The following PCDHA7 variants were observed in gnomAD, a reference collection of about 807,000 sequenced individuals.
PCDHA7 encodes protocadherin alpha 7, also known as protocadherin alpha-7.
PCDHA7 carries 37 observed loss-of-function variants against 57.2 expected under a neutral mutation model. The observed-to-expected ratio is 0.65, with a 90% CI of 0.50 to 0.85. PCDHA7 has a LOEUF of 0.85. Ranked by LOEUF, PCDHA7 falls within the 40% of genes least tolerant of loss-of-function variation. PCDHA7 has a pLI of 0.00. For synonymous variants in PCDHA7, 553 were observed against 558.8 expected (o/e 0.99, Z 0.15); for missense variants, 1,188 against 1,241.8 (o/e 0.96, Z 0.65).
rs1774328850 is a variant in PCDHA7 at position 140,836,278 on chromosome 5, G to T, written c.1895G>T (p.Ser632Ile). The T allele has an allele frequency of 1.9e-6, 3 of 1,613,796 alleles. No homozygotes were observed. Among genetic ancestry groups the T allele is most frequent in the Middle Eastern group, 1.6e-4 (1 of 6,062 alleles). Residue 632 changes from serine to isoleucine, a missense_variant, in exon 1 of 4, where the codon AGC becomes ATC. Around this residue, in one of 3 missense-constraint regions of PCDHA7, gnomAD observed 892 missense variants for 788.5 expected, o/e 1.13. Transcript: ENST00000525929. ...GTGGGGCTGTACACTGGTGAGATCA[G>T]CACGACACGAGCCCTAGATGAGACG... ...FRVGLYTGEISTTRALDETDA... is the reference protein window; with the variant it reads ...FRVGLYTGEIITTRALDETDA...
chr5:140,856,825 A>C lies in PCDHA7; in HGVS notation c.2355+20087A>C, dbSNP rs782049467. On this transcript the variant is annotated intron_variant, in intron 1 of 3. Coordinates refer to ENST00000525929, the MANE Select transcript of PCDHA7 (RefSeq NM_018910.3). Reference sequence around the variant, plus strand: ...ATGAAAATCAAGTGAACCAAACATTAGTAATACGGCTCAACGCTTCTGATT... The same window carrying C: ...ATGAAAATCAAGTGAACCAAACATTCGTAATACGGCTCAACGCTTCTGATT... 1 of 1,592,052 alleles carries C rather than the reference A, an allele frequency of 6.3e-7. No individual in the cohort carries two copies. The highest frequency in any genetic ancestry group is 1.7e-5 in the Admixed American group (1 of 59,160).
At chr5:140,882,940 C>T (rs1554176179) in intron 1 of PCDHA7, 2 of 1,614,208 alleles carry the variant, frequency 1.2e-6, no homozygotes, top group Admixed American at 3.3e-5. Flanking sequence ...AGCTGACTGG[C>T]ACAGTTCAGC....
chr5:140,835,666 G>A lies in PCDHA7; in HGVS notation c.1283G>A (p.Arg428Gln). 3 of 1,613,936 alleles carry A rather than the reference G, an allele frequency of 1.9e-6. No individual in the cohort carries two copies. The highest frequency in any genetic ancestry group is 3.3e-4 in the Middle Eastern group (2 of 6,058). ...GCCTATGAGCTGGTGGTTACCGCGC[G>A]GGACGGGGGCTCGCCTTCTCTGTGG... ...VSAYELVVTA[R>Q]DGGSPSLWAT... Residue 428 changes from arginine to glutamine, a missense_variant, in exon 1 of 4, where the codon CGG becomes CAG. Around this residue, in one of 3 missense-constraint regions of PCDHA7, gnomAD observed 892 missense variants for 788.5 expected, o/e 1.13. Coordinates refer to ENST00000525929, the MANE Select transcript of PCDHA7 (RefSeq NM_018910.3).
chr5:140,972,499 G>A (rs1398741603), intron 1 of PCDHA7, among the ~76,000 whole-genome samples: 3 of 151,888 alleles, frequency 2.0e-5, no homozygotes, highest in South Asian at 4.2e-4. Flanking sequence ...TAATCTGTTG[G>A]TAGATTTTAC....
chr5:140,902,599 G>T (rs981296505), intron 1 of PCDHA7, among the ~76,000 whole-genome samples: 3 of 152,024 alleles, frequency 2.0e-5, no homozygotes, highest in African/African-American at 7.2e-5. Flanking sequence ...GAAACAGGTC[G>T]TTTTCAGTTA....
At chr5:140,850,905 A>G in intron 1 of PCDHA7, 1 of 1,550,536 alleles carries the variant, frequency 6.4e-7, no homozygotes, top group Non-Finnish European at 8.7e-7. Context: ...TTTTTCTAGC[A>G]TTTTATTTAT....
chr5:140,875,579 A>G (rs552791418), intron 1 of PCDHA7: 3 of 1,614,050 alleles, frequency 1.9e-6, no homozygotes, highest in Non-Finnish European at 2.5e-6. Context: ...TACTCCGTCT[A>G]CGAGGAGGCC....
Position 140,835,758 on chromosome 5 carries a change from G to A in PCDHA7, c.1375G>A (p.Glu459Lys), listed in dbSNP as rs2150244199. The A allele has an allele frequency of 5.6e-6, 9 of 1,613,436 alleles. No individual in the cohort carries two copies. The highest frequency in any genetic ancestry group is 7.6e-6 in the Non-Finnish European group (9 of 1,179,792). Reference sequence around the variant, plus strand: ...CAACGCCCCGGCGTTCGCGCAGCCCGAGTATACGGTGTTCGTGAAGGAGAA... The same window carrying A: ...CAACGCCCCGGCGTTCGCGCAGCCCAAGTATACGGTGTTCGTGAAGGAGAA... Reference protein sequence around the residue: ...NDNAPAFAQPEYTVFVKENNP... With the variant: ...NDNAPAFAQPKYTVFVKENNP... Residue 459 changes from glutamate (E) to lysine (K), a missense_variant, in exon 1 of 4, where the codon GAG (glutamate) becomes AAG (lysine). By Grantham distance (56) the Glu-to-Lys change is moderately conservative. This residue lies in a region of PCDHA7 where 892 missense variants were observed against 788.5 expected (regional missense o/e 1.13). Transcript: ENST00000525929.
intron 1 of PCDHA7, chr5:140,926,624 G>A (rs2083414676): frequency 5.0e-6 from 2 of 400,148 alleles, no homozygotes; most frequent in Admixed American, 8.6e-5. Context: ...CCTAGGCGGC[G>A]CTGCGCTCCT....
intron 1 of PCDHA7, chr5:140,870,475 G>A (rs1554164304): frequency 1.2e-6 from 2 of 1,614,096 alleles, no homozygotes; most frequent in Admixed American, 1.7e-5. Context: ...CGCACAGCCC[G>A]AGTACACCGT....
At chr5:140,903,563 T>G (rs1459855021) in intron 1 of PCDHA7, among the ~76,000 whole-genome samples, 1 of 152,208 alleles carries the variant, frequency 6.6e-6, no homozygotes, top group African/African-American at 2.4e-5. Context: ...ATAAGTGGAA[T>G]TGGGAGCTGT....
chr5:140,854,797 A>G (rs1299295498), intron 1 of PCDHA7: 1 of 149,772 alleles, frequency 6.7e-6, no homozygotes, highest in African/African-American at 2.4e-5. Context: ...TGAGAGAGAA[A>G]AAAATATTTT....
Position 140,873,289 on chromosome 5 carries a change from C to T in PCDHA7, c.2355+36551C>T, listed in dbSNP as rs542998877. On this transcript the variant is annotated intron_variant, in intron 1 of 3. Transcript: ENST00000525929. ...TTAAACCATCATACCACTTATGAAA[C>T]TTTATAAATATAATAAAGGTGAATA... Among the ~76,000 whole-genome samples, 19 of 152,188 alleles carry T rather than the reference C, an allele frequency of 1.2e-4. No homozygotes were observed. In the South Asian group the frequency reaches 3.7e-3, roughly 30 times the overall value.
chr5:140,879,720 G>C (rs1275273892), intron 1 of PCDHA7, among the ~76,000 whole-genome samples: 1 of 152,212 alleles, frequency 6.6e-6, no homozygotes, highest in Non-Finnish European at 1.5e-5. Flanking sequence ...TTGGAGACCA[G>C]AAGTCCAAAA....
chr5:140,937,288 C>T (rs1473599964), intron 1 of PCDHA7, among the ~76,000 whole-genome samples: 1 of 152,072 alleles, frequency 6.6e-6, no homozygotes, highest in African/African-American at 2.4e-5. Context: ...TCACCCGCTT[C>T]GGCCTCCCAA....
At chr5:140,959,234 G>A (rs2095475246) in intron 1 of PCDHA7, among the ~76,000 whole-genome samples, 2 of 152,106 alleles carry the variant, frequency 1.3e-5, no homozygotes, top group Admixed American at 6.5e-5. Context: ...AAAATTATCT[G>A]GGCATGATAG....
intron 1 of PCDHA7, among the ~76,000 whole-genome samples, chr5:140,838,012 A>G (rs2150146283): frequency 6.6e-6 from 1 of 151,110 alleles, no homozygotes; most frequent in East Asian, 1.9e-4. Flanking sequence ...TAAAAAAAGA[A>G]GTGATTACAG....
chr5:140,908,919 G>A (rs781892541), intron 1 of PCDHA7, among the ~76,000 whole-genome samples: 1 of 152,158 alleles, frequency 6.6e-6, no homozygotes, highest in Non-Finnish European at 1.5e-5. Context: ...TGTAGGAGGG[G>A]CCAAATGCAG....
Position 140,862,663 on chromosome 5 carries a change from G to A in PCDHA7, c.2355+25925G>A, listed in dbSNP as rs1181876695. ...CACAGTGTCCGCGCGGGACCGGGAC[G>A]CGCAGGAGAACGTGCTGGTGTCCTA... On this transcript the variant is annotated intron_variant, in intron 1 of 3. Coordinates refer to ENST00000525929, the MANE Select transcript of PCDHA7 (RefSeq NM_018910.3). The A allele has an allele frequency of 1.5e-5, 8 of 547,042 alleles. No individual in the cohort carries two copies. In the East Asian group the frequency reaches 4.0e-4, roughly 27 times the overall value. The allele number at this position is 547,042 out of a possible 1,614,324, so 33.9% of individuals were successfully genotyped here.
Sources: allele counts gnomAD v4.1 joint callset (sites outside exome capture counted in the v4.1 genomes callset), GRCh38; gene constraint gnomAD v4.1.1; regional missense constraint gnomAD v4.1.1; transcripts MANE v1.5; gene names NCBI Gene and HGNC (gene_info 2026-07-23, HGNC 2026-07-21).